Variants in NOS1 observed in about 807,000 individuals in gnomAD.
NOS1 encodes the protein NOS type I.
NOS1 carries 51 observed loss-of-function variants against 164.5 expected under a neutral mutation model. That is an observed-to-expected ratio of 0.31 (90% CI 0.25 to 0.39). NOS1 has a LOEUF of 0.39. Ranked by LOEUF, NOS1 falls within the 10% of genes least tolerant of loss-of-function variation. NOS1 has a pLI of 1.00. For synonymous variants in NOS1, 719 were observed against 745.8 expected (o/e 0.96, Z 0.59); for missense variants, 1,362 against 1,885.6 (o/e 0.72, Z 5.14).
intron 14 of NOS1, 86 bp downstream of exon 14, chr12:117,260,379 C>T: frequency 6.7e-7 from 1 of 1,501,122 alleles, no homozygotes; most frequent in East Asian, 2.3e-5. Flanking sequence ...TTGCCAAAGG[C>T]TTCTTCTCTG....
At chr12:117,280,563 A>T (rs1223723535) in intron 8 of NOS1, among the ~76,000 whole-genome samples, 162 bp downstream of exon 8, 2 of 152,186 alleles carry the variant, frequency 1.3e-5, no homozygotes, top group African/African-American at 4.8e-5. Context: ...GCTGTAAAAG[A>T]ATTAGATTGG....
intron 1 of NOS1, among the ~76,000 whole-genome samples, chr12:117,335,118 G>A (rs1309770166): frequency 1.3e-5 from 2 of 152,238 alleles, no homozygotes; most frequent in Non-Finnish European, 2.9e-5. Flanking sequence ...ACTCAGAAAA[G>A]TGGCTTCCTA....
chr12:117,254,521 G>C (rs1373054456), intron 16 of NOS1, among the ~76,000 whole-genome samples: 2 of 152,220 alleles, frequency 1.3e-5, no homozygotes, highest in African/African-American at 4.8e-5. Context: ...CGAGCTCCCA[G>C]GAGATGCCAG....
Position 117,306,416 on chromosome 12 carries a change from T to TGC in NOS1, c.852+5049_852+5050insGC, listed in dbSNP as rs1199662783. 1.4e-4 allele frequency among the ~76,000 whole-genome samples: 5 copies of TGC among 35,712 alleles called. No homozygotes were observed. The African/African-American group carries it at 2.0e-3, about 15-fold the overall frequency. The allele number at this position is 35,712 out of a possible 152,430, so 23.4% of individuals were successfully genotyped here. A position where few individuals can be genotyped will look rare whatever the true frequency, so the allele number is the denominator to read the frequency against. On this transcript the variant is annotated intron_variant, in intron 3 of 28. Transcript: ENST00000317775. ...GCGGTCCTTCTTCCAGCGCTGAGTT[T>TGC]GTAGGGAGAATGGCCCAACAGCAGG...
intron 3 of NOS1, chr12:117,309,271 A>AC (rs1874312029): frequency 1.2e-6 from 1 of 844,976 alleles, no homozygotes; most frequent in Admixed American, 6.2e-5. Context: ...TCCAGATATC[A>AC]CTGCTAGAGG....
chr12:117,254,899 C>T (rs1034451449), intron 16 of NOS1, among the ~76,000 whole-genome samples: 2 of 152,126 alleles, frequency 1.3e-5, no homozygotes, highest in African/African-American at 4.8e-5. Flanking sequence ...TTAGACATTT[C>T]AGGGCTCTAT....
chr12:117,261,903 GTC>G (rs1453108554), intron 13 of NOS1, among the ~76,000 whole-genome samples: 2 of 152,286 alleles, frequency 1.3e-5, no homozygotes, highest in East Asian at 3.9e-4. Context: ...CCAAACCAGT[GTC>G]TCTTCCTTCT....
chr12:117,296,529 C>A (rs1234127639), intron 3 of NOS1, among the ~76,000 whole-genome samples: 1 of 152,238 alleles, frequency 6.6e-6, no homozygotes, highest in Admixed American at 6.5e-5. Context: ...GCTTCCTGCG[C>A]TTGAACATTG....
intron 1 of NOS1, among the ~76,000 whole-genome samples, chr12:117,345,613 AC>A (rs1407290061): frequency 6.6e-6 from 1 of 152,244 alleles, no homozygotes; most frequent in Non-Finnish European, 1.5e-5. Context: ...ATGATAATGT[AC>A]TTTTTCAAAT....
In NOS1 at chr12:117,212,821, C is replaced by G. The variant is rs984686143; in HGVS notation, c.*2488G>C. On this transcript the variant is annotated 3_prime_UTR_variant, in exon 29 of 29. Transcript: ENST00000317775. ...TGAGCCTAACAATCTGGACTCCACT[C>G]TGGTCCTTGAGAGGTTACTCAACAG... 7 of 985,452 alleles carry G rather than the reference C, an allele frequency of 7.1e-6. No individual in the cohort carries two copies. The highest frequency in any genetic ancestry group is 8.4e-6 in the Non-Finnish European group (7 of 829,936). The allele number at this position is 985,452 out of a possible 1,614,324, so 61.0% of individuals were successfully genotyped here.
At chr12:117,232,438 AGAGAT>A (rs1451532064) in intron 21 of NOS1, among the ~76,000 whole-genome samples, 1 of 152,238 alleles carries the variant, frequency 6.6e-6, no homozygotes, top group Non-Finnish European at 1.5e-5. Flanking sequence ...TGTGCGTGAC[AGAGAT>A]AAGCCTATTT....
At chr12:117,292,877 AAAC>A (rs1266585080) in intron 3 of NOS1, among the ~76,000 whole-genome samples, 1 of 152,222 alleles carries the variant, frequency 6.6e-6, no homozygotes, top group Non-Finnish European at 1.5e-5. Flanking sequence ...GGGGTGACGA[AAAC>A]TGAATGAGCC....
chr12:117,224,990 C>G (rs757952482), intron 25 of NOS1, 26 bp downstream of exon 25: 2 of 1,613,928 alleles, frequency 1.2e-6, no homozygotes, highest in Non-Finnish European at 1.7e-6. Context: ...GGGTGGGAAC[C>G]AAGTGGCCAC....
intron 1 of NOS1, among the ~76,000 whole-genome samples, chr12:117,352,276 G>A (rs1410291829): frequency 6.6e-6 from 1 of 152,200 alleles, no homozygotes; most frequent in Non-Finnish European, 1.5e-5. Context: ...GAGGCAAGAG[G>A]CGTGGGCCTG....
chr12:117,351,937 T>G (rs1876638015), intron 1 of NOS1, among the ~76,000 whole-genome samples: 1 of 152,072 alleles, frequency 6.6e-6, no homozygotes, highest in Non-Finnish European at 1.5e-5. Context: ...TCCCAGCATT[T>G]TGGGAGGCCC....
At chr12:117,339,309 C>T (rs1443337657) in intron 1 of NOS1, among the ~76,000 whole-genome samples, 1 of 152,142 alleles carries the variant, frequency 6.6e-6, no homozygotes, top group South Asian at 2.1e-4. Flanking sequence ...ACCTCTGATG[C>T]CCATATCTCA....
intron 1 of NOS1, among the ~76,000 whole-genome samples, chr12:117,331,708 T>C (rs1308338451): frequency 6.6e-6 from 1 of 152,188 alleles, no homozygotes; most frequent in Non-Finnish European, 1.5e-5. Flanking sequence ...TTCACTTCCA[T>C]GATCAAAGCC....
At chr12:117,321,537 C>G (rs544253468) in intron 2 of NOS1, among the ~76,000 whole-genome samples, 7 of 152,068 alleles carry the variant, frequency 4.6e-5, no homozygotes, top group Non-Finnish European at 7.4e-5. Flanking sequence ...CCTGGCAAGA[C>G]GGCAGGGACA....
rs35656036 is a variant in NOS1 at position 117,268,589 on chromosome 12, AT to A, written c.1840-446del. Among the ~76,000 whole-genome samples the A allele has an allele frequency of 6.5e-3, 804 of 123,186 alleles. 4 individuals are homozygous for A. The highest frequency in any genetic ancestry group is 0.021 in the African/African-American group (682 of 31,744). The allele number at this position is 123,186 out of a possible 152,430, so 80.8% of individuals were successfully genotyped here. On this transcript the variant is annotated intron_variant, in intron 10 of 28. Coordinates refer to ENST00000317775, the MANE Select transcript of NOS1 (RefSeq NM_000620.5). ...ACAGACTAATGAACTCACTCATTCA[AT>A]TTTTTTTTTTTTTTTTTGAGACGGA... is the stretch of plus-strand genomic sequence containing the variant.
Sources: allele counts gnomAD v4.1 joint callset (sites outside exome capture counted in the v4.1 genomes callset), GRCh38; gene constraint gnomAD v4.1.1; transcripts MANE v1.5; gene names NCBI Gene and HGNC (gene_info 2026-07-23, HGNC 2026-07-21).